Variants in ABCB4 observed in about 807,000 individuals in gnomAD.
The protein encoded by ABCB4 is phosphatidylcholine translocator ABCB4.
Under a neutral mutation model 145.7 loss-of-function variants are expected in ABCB4, and 76 were observed. The ratio of observed to expected loss-of-function variants is 0.52; its 90% confidence interval spans 0.43 to 0.63. ABCB4 has a LOEUF of 0.63. Among genes scored for constraint, ABCB4 ranks in the 30% least tolerant of loss-of-function variants. ABCB4 has a pLI of 0.00. For synonymous variants in ABCB4, 517 were observed against 566.8 expected (o/e 0.91, Z 1.25); for missense variants, 1,234 against 1,553.1 (o/e 0.79, Z 3.45).
At chr7:87,417,592 G>T in intron 20 of ABCB4, 77 bp from the exon 21 acceptor site, 2 of 1,199,842 alleles carry the variant, frequency 1.7e-6, no homozygotes, top group East Asian at 2.4e-5. Context: ...CTCTTGGTCA[G>T]AATGATGAGT....
At chr7:87,464,384 G>A (rs1354331813) in intron 3 of ABCB4, among the ~76,000 whole-genome samples, 4 of 152,180 alleles carry the variant, frequency 2.6e-5, no homozygotes, top group African/African-American at 4.8e-5. Flanking sequence ...GTAAAGTCAA[G>A]AGCCAATGGA....
chr7:87,433,780 A>T (rs550738910), intron 14 of ABCB4, among the ~76,000 whole-genome samples: 1 of 151,358 alleles, frequency 6.6e-6, no homozygotes, highest in East Asian at 1.9e-4. Context: ...TGAAATTTAG[A>T]CCTTTGACTA....
chr7:87,412,037 A>G lies in ABCB4; in HGVS notation c.2784-4T>C. ...GTGTGCCTTCTGCACAGAATTCCTG[A>G]AAAGCAAATCAGTATACTTGTAACC... On this transcript the variant is annotated splice_region_variant and splice_polypyrimidine_tract_variant and intron_variant, in intron 22 of 27. Coordinates refer to ENST00000649586, the MANE Select transcript of ABCB4 (RefSeq NM_000443.4). 3 of 1,613,622 alleles carry G rather than the reference A, an allele frequency of 1.9e-6. No individual in the cohort carries two copies. Among genetic ancestry groups the G allele is most frequent in the Non-Finnish European group, 2.5e-6 (3 of 1,179,604 alleles).
chr7:87,403,971 T>C (rs45466100), intron 26 of ABCB4, among the ~76,000 whole-genome samples: 2 of 152,312 alleles, frequency 1.3e-5, no homozygotes, highest in East Asian at 3.9e-4. Context: ...AAAGAGCATA[T>C]GAATAGAGAT....
chr7:87,379,740 A>C, the ABCB4 span, among the ~76,000 whole-genome samples: 1 of 152,234 alleles, frequency 6.6e-6, no homozygotes, highest in African/African-American at 2.4e-5. Context: ...TTTGCATTAA[A>C]TTCCATGGAG....
intron 10 of ABCB4, among the ~76,000 whole-genome samples, chr7:87,444,545 C>G (rs1428679455): frequency 6.6e-6 from 1 of 152,060 alleles, no homozygotes; most frequent in East Asian, 1.9e-4. Context: ...TCATAAGATT[C>G]TCAGTCTGGC....
At chr7:87,424,220 T>A (rs541198010) in intron 16 of ABCB4, among the ~76,000 whole-genome samples, 168 bp from the exon 17 acceptor site, 1 of 152,172 alleles carries the variant, frequency 6.6e-6, no homozygotes, top group Non-Finnish European at 1.5e-5. Context: ...ATGTTAACAA[T>A]GTTTACTGAT....
At chr7:87,392,118 A>G in the ABCB4 span, among the ~76,000 whole-genome samples, 1 of 152,114 alleles carries the variant, frequency 6.6e-6, no homozygotes, top group African/African-American at 2.4e-5. Flanking sequence ...GCTTTGTTTC[A>G]TACTCTTTTT....
At chr7:87,475,082 G>A (rs1053427308) in intron 2 of ABCB4, among the ~76,000 whole-genome samples, 2 of 152,132 alleles carry the variant, frequency 1.3e-5, no homozygotes, top group South Asian at 2.1e-4. Context: ...CAAGAGTTAC[G>A]TAATACAATG....
chr7:87,383,497 C>CT, the ABCB4 span, among the ~76,000 whole-genome samples: 2,278 of 130,414 alleles, frequency 0.017, 26 homozygotes, highest in African/African-American at 0.022. Flanking sequence ...ATGTATATCA[C>CT]TTTTTTTTTT....
chr7:87,369,470 G>T, the ABCB4 span: 6 of 1,610,262 alleles, frequency 3.7e-6, no homozygotes, highest in African/African-American at 4.0e-5. Context: ...TGGTCACCCC[G>T]CCAGAGCTTC....
At chr7:87,398,571 CG>C (rs748621365), downstream of ABCB4, 10 of 1,613,506 alleles carry the variant, frequency 6.2e-6, no homozygotes, top group South Asian at 9.9e-5. Flanking sequence ...GAGACTGATG[CG>C]GAAAAGCTAG....
downstream of ABCB4, among the ~76,000 whole-genome samples, chr7:87,397,825 T>C (rs533000530): frequency 6.6e-6 from 1 of 152,320 alleles, no homozygotes; most frequent in Admixed American, 6.5e-5. Context: ...GATGTGAAAA[T>C]TGCATGGTTT....
chr7:87,432,780 C>A (rs919281671), intron 14 of ABCB4, among the ~76,000 whole-genome samples: 1 of 152,008 alleles, frequency 6.6e-6, no homozygotes, highest in African/African-American at 2.4e-5. Context: ...TTCTGGAATT[C>A]GATAGCAGTG....
intron 8 of ABCB4, chr7:87,448,825 T>A (rs938077459): frequency 5.3e-5 from 8 of 152,098 alleles, no homozygotes; most frequent in Admixed American, 1.3e-4. Flanking sequence ...ATGGGGGGAA[T>A]AAGGGAAACT....
At chr7:87,392,685 G>C in the ABCB4 span, 5 of 1,609,608 alleles carry the variant, frequency 3.1e-6, no homozygotes, top group South Asian at 5.5e-5. Context: ...AATCTCTCAT[G>C]GTGAAAAATT....
intron 4 of ABCB4, among the ~76,000 whole-genome samples, chr7:87,455,582 C>A (rs45582338): frequency 8.5e-5 from 13 of 152,258 alleles, no homozygotes; most frequent in Admixed American, 7.2e-4. Context: ...CTATACTATA[C>A]TGATTTATTC....
At chr7:87,474,439 T>A (rs1813646309) in intron 2 of ABCB4, among the ~76,000 whole-genome samples, 1 of 152,174 alleles carries the variant, frequency 6.6e-6, no homozygotes, top group African/African-American at 2.4e-5. Context: ...CACAACCACA[T>A]TAACAGGCTA....
intron 2 of ABCB4, among the ~76,000 whole-genome samples, chr7:87,473,478 C>A (rs143470955): frequency 1.6e-3 from 243 of 152,228 alleles, no homozygotes; most frequent in African/African-American, 5.4e-3. Context: ...CCCTTAGATA[C>A]CCACACAGCT....
Sources: gnomAD v4.1 joint callset for allele counts (sites outside exome capture counted in the v4.1 genomes callset) on GRCh38, gnomAD v4.1.1 for gene constraint, MANE v1.5 for transcripts, NCBI Gene and HGNC (gene_info 2026-07-23, HGNC 2026-07-21) for gene names.